VPS13D: variants seen among roughly 807,000 people sequenced by gnomAD.
VPS13D encodes intermembrane lipid transfer protein VPS13D.
A neutral mutation model predicts 461.9 loss-of-function variants in VPS13D; 187 were observed. The ratio of observed to expected loss-of-function variants is 0.40; its 90% CI spans 0.36 to 0.46. VPS13D has a LOEUF of 0.46. VPS13D is among the 20% of genes least tolerant of loss of function. The probability of loss-of-function intolerance (pLI) is 0.60; values close to 1 mark genes in which losing one functional copy is unlikely to be tolerated. For synonymous variants in VPS13D, 1,951 were observed against 1,986.3 expected (o/e 0.98, Z 0.47); for missense variants, 4,711 against 5,364.9 (o/e 0.88, Z 3.81).
At chr1:12,284,070 C>T (rs1405376538) in intron 21 of VPS13D, among the ~76,000 whole-genome samples, 3 of 152,194 alleles carry the variant, frequency 2.0e-5, no homozygotes, top group South Asian at 2.1e-4. Context: ...GTGGAAGGCA[C>T]CTAGCAAAGT....
At chr1:12,311,763 T>C (rs375914306) in intron 28 of VPS13D, 50 bp from the exon 29 acceptor site, 25 of 1,593,034 alleles carry the variant, frequency 1.6e-5, no homozygotes, top group Non-Finnish European at 1.8e-5. Context: ...TGAGCCTGTT[T>C]TTAGGATGGC....
At chr1:12,506,230 A>G (rs1230678326) in intron 68 of VPS13D, among the ~76,000 whole-genome samples, 1 of 152,212 alleles carries the variant, frequency 6.6e-6, no homozygotes, top group Non-Finnish European at 1.5e-5. Context: ...GAGCTCCATG[A>G]TAGAGGAATT....
In VPS13D at chr1:12,268,710, A is replaced by G. The variant is rs1641347634; in HGVS notation, c.1806A>G (p.Ala602=). Residue 602 remains alanine (A), a synonymous_variant, in exon 16 of 70, where the codon GCA becomes GCG. Coordinates refer to ENST00000620676, the MANE Select transcript of VPS13D (RefSeq NM_015378.4). Reference sequence around the variant, plus strand: ...TATTCCTGTTCTTTCCTTTAGCTGCAGATCCAGATGGCCCCGTTTTTGAGA... The same window carrying G: ...TATTCCTGTTCTTTCCTTTAGCTGCGGATCCAGATGGCCCCGTTTTTGAGA... ...SADRSDHYPA[A]DPDGPVFEML... is the part of the protein sequence containing the mutation. The G allele has an allele frequency of 6.2e-7, 1 of 1,612,748 alleles. No homozygotes were observed. Among genetic ancestry groups the G allele is most frequent in the Non-Finnish European group, 8.5e-7 (1 of 1,179,610 alleles).
Position 12,276,334 on chromosome 1 carries a change from A to C in VPS13D, c.2746A>C (p.Lys916Gln). 1 of 1,614,184 alleles carries C rather than the reference A, an allele frequency of 6.2e-7. No homozygotes were observed. The highest frequency in any genetic ancestry group is 8.5e-7 in the Non-Finnish European group (1 of 1,180,024). The change falls in exon 19 of 70, where the codon AAG becomes CAG. Residue 916 changes from lysine (K) to glutamine (Q), a missense_variant. Physicochemically the swap from Lys to Gln is moderately conservative, Grantham distance 53 (BLOSUM62 1). Transcript: ENST00000620676. The surrounding 1 kb of genome is among the most constrained non-coding windows in gnomAD (Gnocchi z 4.5). ...AACTTCTGACACTCAGATTAAAGAA[A>C]AGATTTTTCCCCAGGAGGAGCAGCG... The part of the protein sequence containing the change: ...MKTSDTQIKE[K>Q]IFPQEEQRGS...
chr1:12,282,730 A>G lies in VPS13D; in HGVS notation c.4628A>G (p.Glu1543Gly), dbSNP rs1406102487. ...GTGGTGTTAGCAAAGCATGTATATG[A>G]GCAGGTTTTACAAACCCTGGACAAT... ...VQVVLAKHVY[E>G]QVLQTLDNLV... The change falls in exon 21 of 70, where the codon GAG becomes GGG. Residue 1543 changes from glutamate (E) to glycine (G), a missense_variant. Glu to Gly is a moderately conservative substitution (Grantham distance 98). Transcript: ENST00000620676. 1 of 1,610,892 alleles carries G rather than the reference A, an allele frequency of 6.2e-7. No individual in the cohort carries two copies. The highest frequency in any genetic ancestry group is 8.5e-7 in the Non-Finnish European group (1 of 1,177,590).
chr1:12,242,418 TA>T, intron 2 of VPS13D, 94 bp from the exon 3 acceptor site: 3 of 1,137,444 alleles, frequency 2.6e-6, no homozygotes, highest in Non-Finnish European at 3.9e-6. Context: ...ATTCTATATG[TA>T]AAACTTTCCC....
chr1:12,275,912 C>A lies in VPS13D; in HGVS notation c.2324C>A (p.Pro775His). The A allele has an allele frequency of 6.2e-7, 1 of 1,613,870 alleles. No homozygotes were observed. Among genetic ancestry groups the A allele is most frequent in the South Asian group, 1.1e-5 (1 of 91,050 alleles). The change falls in exon 19 of 70, where the codon CCT (proline) becomes CAT (histidine). Residue 775 changes from proline to histidine, a missense_variant. By Grantham distance (77) the Pro-to-His change is moderately conservative. Around this residue, in one of 3 missense-constraint regions of VPS13D, gnomAD observed 4,411 missense variants for 4,937.8 expected, o/e 0.89. Coordinates refer to ENST00000620676, the MANE Select transcript of VPS13D (RefSeq NM_015378.4). ...GAATATAAGACCCCCCTGGCCACACCTCCTAACACCCCACCTCCCGAGTCA... is the reference window on the plus strand; with the variant it reads ...GAATATAAGACCCCCCTGGCCACACATCCTAACACCCCACCTCCCGAGTCA... ...DDEYKTPLAT[P>H]PNTPPPESSS... is the part of the protein sequence containing the mutation.
chr1:12,264,932 G>A (rs1457855807), intron 13 of VPS13D, among the ~76,000 whole-genome samples: 1 of 152,118 alleles, frequency 6.6e-6, no homozygotes, highest in Non-Finnish European at 1.5e-5. Context: ...CTCTTGTTAG[G>A]GGCCAGTGCA....
Position 12,383,148 on chromosome 1 carries a change from C to T in VPS13D, c.11363C>T (p.Ala3788Val), listed in dbSNP as rs748088405. The T allele has an allele frequency of 6.2e-7, 1 of 1,612,552 alleles. No homozygotes were observed. Among genetic ancestry groups the T allele is most frequent in the Non-Finnish European group, 8.5e-7 (1 of 1,179,396 alleles). Residue 3788 changes from alanine to valine, a missense_variant, in exon 58 of 70, where the codon GCA becomes GTA. Coordinates refer to ENST00000620676, the MANE Select transcript of VPS13D (RefSeq NM_015378.4). ...GTCATCCCAGATGGACCAACTAGAG[C>T]ACTCCAGGTGATAATTTGTCATAAG... ...IRVIPDGPTR[A>V]LQITDFCHRK...
At chr1:12,265,390 C>T (rs1641237630) in intron 13 of VPS13D, among the ~76,000 whole-genome samples, 1 of 152,210 alleles carries the variant, frequency 6.6e-6, no homozygotes, top group African/African-American at 2.4e-5. Context: ...CCTCCTGCTT[C>T]AGCCCCCAAA....
At chr1:12,377,466 G>A (rs1232009420) in intron 55 of VPS13D, among the ~76,000 whole-genome samples, 1 of 152,140 alleles carries the variant, frequency 6.6e-6, no homozygotes, top group Non-Finnish European at 1.5e-5. Flanking sequence ...AGACTTTCAT[G>A]ATTGACCTGG....
chr1:12,475,413 T>C (rs943438253), intron 67 of VPS13D, among the ~76,000 whole-genome samples: 3 of 152,216 alleles, frequency 2.0e-5, no homozygotes, highest in African/African-American at 4.8e-5. Flanking sequence ...GCTCCCTTCC[T>C]AGGGCTGGCT....
At chr1:12,400,072 G>T (rs1644554335) in intron 60 of VPS13D, 109 bp from the exon 61 acceptor site, 2 of 1,235,638 alleles carry the variant, frequency 1.6e-6, no homozygotes, top group South Asian at 2.8e-5. Context: ...AATGACAAGG[G>T]TACTTTCTGA....
In VPS13D at chr1:12,473,218, A is replaced by G. The variant is rs1320750155; in HGVS notation, c.12662+12822A>G. On this transcript the variant is annotated intron_variant, in intron 67 of 69. Coordinates refer to ENST00000620676, the MANE Select transcript of VPS13D (RefSeq NM_015378.4). This position sits in a 1 kb window ranked among gnomAD's most constrained non-coding sequence, Gnocchi z 4.2. ...TTGCTGAAAGTTTTCTTATCTTGAC[A>G]CTCCAAGGGCAAGAGGTCTTTCTTC... Among the ~76,000 whole-genome samples, 2 of 152,112 alleles carry G rather than the reference A, an allele frequency of 1.3e-5. No homozygotes were observed. Among genetic ancestry groups the G allele is most frequent in the Admixed American group, 6.5e-5 (1 of 15,272 alleles).
Position 12,258,019 on chromosome 1 carries a change from G to A in VPS13D, c.1026G>A (p.Met342Ile). Residue 342 changes from methionine (M) to isoleucine (I), a missense_variant, in exon 10 of 70, where the codon ATG becomes ATA. Transcript: ENST00000620676. ...EQRKRCTWDF[M>I]LHRARDAVSY... ...GGAAACGTTGCACCTGGGACTTTAT[G>A]TTGCACCGCGCTCGTGATGCTGTAT... 1 of 1,614,198 alleles carries A rather than the reference G, an allele frequency of 6.2e-7. No individual in the cohort carries two copies. Among genetic ancestry groups the A allele is most frequent in the Non-Finnish European group, 8.5e-7 (1 of 1,180,044 alleles).
chr1:12,401,626 CAG>C lies in VPS13D; in HGVS notation c.11807_11808del (p.Arg3936IlefsTer6). Reference protein sequence around the residue: ...NIYKHLMITAQRFTVQIEEKL... With the variant: ...NIYKHLMITAXRFTVQIEEKL... ...TCTCTAGCATCTGATGATCACAGCT[CAG>C]AGATTCACAGTGCAAATTGAGGAGA... On this transcript the variant is annotated frameshift_variant, in exon 62 of 70. Coordinates refer to ENST00000620676, the MANE Select transcript of VPS13D (RefSeq NM_015378.4). LOFTEE classifies it high-confidence loss of function. The C allele has an allele frequency of 1.9e-6, 3 of 1,612,882 alleles. No individual in the cohort carries two copies. The highest frequency in any genetic ancestry group is 2.5e-6 in the Non-Finnish European group (3 of 1,179,050).
intron 13 of VPS13D, among the ~76,000 whole-genome samples, chr1:12,265,748 C>G (rs1641248054): frequency 6.6e-6 from 1 of 152,182 alleles, no homozygotes; most frequent in Non-Finnish European, 1.5e-5. Flanking sequence ...GACTGAATTG[C>G]TGGAATCTCA....
Position 12,342,004 on chromosome 1 carries a change from A to G in VPS13D, c.8732+119A>G. ...TCTTGGGATGATATTTGAATGAATA[A>G]CTTGCTGTCTTGCTGAGATTTATGA... On this transcript the variant is annotated intron_variant, in intron 41 of 69. Coordinates refer to ENST00000620676, the MANE Select transcript of VPS13D (RefSeq NM_015378.4). 5 of 825,850 alleles carry G rather than the reference A, an allele frequency of 6.1e-6. No homozygotes were observed. The South Asian group carries it at 7.5e-5, about 12-fold the overall frequency. The allele number at this position is 825,850 out of a possible 1,614,324, so 51.2% of individuals were successfully genotyped here.
intron 57 of VPS13D, among the ~76,000 whole-genome samples, chr1:12,381,739 A>G (rs1360912900): frequency 2.0e-5 from 3 of 152,178 alleles, no homozygotes; most frequent in African/African-American, 7.2e-5. Flanking sequence ...ACTTCTGTAC[A>G]TCACTTCCCT....
Sources: gnomAD v4.1 joint callset for allele counts (sites outside exome capture counted in the v4.1 genomes callset) on GRCh38, gnomAD v4.1.1 for gene constraint, gnomAD v4.1.1 regional missense constraint, Gnocchi (gnomAD v3.1) non-coding constraint, MANE v1.5 for transcripts, NCBI Gene and HGNC (gene_info 2026-07-23, HGNC 2026-07-21) for gene names.